CDKN2A: variants seen among roughly 807,000 people sequenced by gnomAD.
CDKN2A encodes the protein cyclin-dependent kinase inhibitor 2A.
Under a neutral mutation model 11.1 loss-of-function variants are expected in CDKN2A, and 3 were observed. The observed-to-expected ratio is 0.27, with a 90% confidence interval of 0.12 to 0.70. The LOEUF (loss-of-function observed/expected upper bound fraction) is 0.70, where lower values mean the gene tolerates loss of function less well. CDKN2A is among the 30% of genes least tolerant of loss of function. CDKN2A has a pLI of 0.77. For synonymous variants in CDKN2A, 122 were observed against 108.1 expected, an observed-to-expected ratio of 1.13 and a Z score of -0.80; for missense variants, 265 against 233.6, an observed-to-expected ratio of 1.13 and a Z score of -0.88.
chr9:21,972,045 A>G (rs1020845194), intron 1 of CDKN2A, among the ~76,000 whole-genome samples: 1 of 148,814 alleles, frequency 6.7e-6, no homozygotes, highest in African/African-American at 2.5e-5. Flanking sequence ...CCACCATTCT[A>G]CTCTTTACTG....
At chr9:21,994,705 C>T (rs1382365074) in intron 1 of CDKN2A, 18 of 246,708 alleles carry the variant, frequency 7.3e-5, no homozygotes, top group Non-Finnish European at 1.3e-4. Context: ...CCCCCACCAC[C>T]ATCTTCCCAC....
At chr9:21,986,579 C>A (rs1284936430) in intron 2 of CDKN2A, among the ~76,000 whole-genome samples, 1 of 151,890 alleles carries the variant, frequency 6.6e-6, no homozygotes, top group Non-Finnish European at 1.5e-5. Flanking sequence ...TGCAACCTAT[C>A]TGAGCCTCAG....
Position 21,974,628 on chromosome 9 carries a change from C to T in CDKN2A, c.150+50G>A, listed in dbSNP as rs2131111211. ...TTCCAATTCCCCTGCAAACTTCGTCCTCCAGAGTCGCCCGCCATCCCCTGC... is the reference window on the plus strand; with the variant it reads ...TTCCAATTCCCCTGCAAACTTCGTCTTCCAGAGTCGCCCGCCATCCCCTGC... On this transcript the variant is annotated intron_variant, in intron 1 of 2. Transcript: ENST00000304494. This position sits in a 1 kb window ranked among gnomAD's most constrained non-coding sequence, Gnocchi z 5.2. 6.2e-7 allele frequency: 1 copy of T among 1,614,224 alleles called. No homozygotes were observed. Among genetic ancestry groups the T allele is most frequent in the Non-Finnish European group, 8.5e-7 (1 of 1,180,040 alleles).
chr9:21,981,631 C>CT (rs5896958), intron 2 of CDKN2A, among the ~76,000 whole-genome samples: 106,314 of 145,904 alleles, frequency 0.73, 38,649 homozygotes, highest in East Asian at 0.97. Context: ...GAAAAAATGA[C>CT]TTTTTTTTTT....
At chr9:21,975,663 G>A (rs1820007436), upstream of CDKN2A, among the ~76,000 whole-genome samples, 1 of 152,112 alleles carries the variant, frequency 6.6e-6, no homozygotes, top group Non-Finnish European at 1.5e-5. Flanking sequence ...CTGAAAAGAT[G>A]AGGTTTATTT....
At chr9:21,982,898 T>A (rs1048166419) in intron 2 of CDKN2A, among the ~76,000 whole-genome samples, 8 of 151,826 alleles carry the variant, frequency 5.3e-5, no homozygotes, top group Non-Finnish European at 1.0e-4. Context: ...AGTGCTTAAG[T>A]AATAAGGAAA....
chr9:21,968,216 C>G lies in CDKN2A; in HGVS notation c.*13G>C, dbSNP rs374668781. 5 of 1,613,572 alleles carry G rather than the reference C, an allele frequency of 3.1e-6. No individual in the cohort carries two copies. In the African/African-American group the frequency reaches 4.0e-5, roughly 13 times the overall value. On this transcript the variant is annotated 3_prime_UTR_variant, in exon 3 of 3. Coordinates refer to ENST00000304494, the MANE Select transcript of CDKN2A (RefSeq NM_000077.5). The surrounding 1 kb of genome is among the most constrained non-coding windows in gnomAD (Gnocchi z 4.7). ...TAAGTTTCCCGAGGTTTCTCAGAGC[C>G]TCTCTGGTTCTTTCAATCGGGGATG...
Position 21,970,911 on chromosome 9 carries a change from C to T in CDKN2A, c.448G>A (p.Gly150Ser). 6.2e-7 allele frequency: 1 copy of T among 1,612,142 alleles called. No homozygotes were observed. Among genetic ancestry groups the T allele is most frequent in the South Asian group, 1.1e-5 (1 of 91,060 alleles). Residue 150 changes from glycine (G) to serine (S), a missense_variant, in exon 2 of 3, where the codon GGT (glycine) becomes AGT (serine). By Grantham distance (56) the Gly-to-Ser change is moderately conservative. Coordinates refer to ENST00000304494, the MANE Select transcript of CDKN2A (RefSeq NM_000077.5). ...SNHARIDAAEGPSDIPD is the reference protein window; with the variant it reads ...SNHARIDAAESPSDIPD ...GATCATCAGTCCTCACCTGAGGGAC[C>T]TTCCGCGGCATCTATGCGGGCATGG...
chr9:21,970,119 G>A, intron 2 of CDKN2A: 2 of 264,494 alleles, frequency 7.6e-6, no homozygotes, highest in Non-Finnish European at 1.4e-5. Flanking sequence ...GAGTAATGTT[G>A]GCAGTTTCAG....
At chr9:21,984,918 TA>T (rs1820269200) in intron 2 of CDKN2A, among the ~76,000 whole-genome samples, 1 of 152,014 alleles carries the variant, frequency 6.6e-6, no homozygotes, top group East Asian at 1.9e-4. Context: ...TCCCCTCTGA[TA>T]TTATTAAAGA....
rs1396479660 is a variant in CDKN2A, at chr9:21,974,360, T to C, written c.150+318A>G. ...CTTACATTTCTTTAAGACTCCCTTTTTATCCCAAACGTTCGTAAATTTTGT... is the reference window on the plus strand; with the variant it reads ...CTTACATTTCTTTAAGACTCCCTTTCTATCCCAAACGTTCGTAAATTTTGT... On this transcript the variant is annotated intron_variant, in intron 1 of 2. Coordinates refer to ENST00000304494, the MANE Select transcript of CDKN2A (RefSeq NM_000077.5). This position sits in a 1 kb window ranked among gnomAD's most constrained non-coding sequence, Gnocchi z 5.2. The C allele has an allele frequency of 4.7e-6, 7 of 1,502,926 alleles. No homozygotes were observed. The Admixed American group carries it at 1.3e-4, about 28-fold the overall frequency. 93.1% of individuals were successfully genotyped at this position (1,502,926 alleles called of 1,614,324 possible). A position where few individuals can be genotyped will look rare whatever the true frequency, so the allele number is the denominator to read the frequency against.
chr9:21,974,364 C>T lies in CDKN2A; in HGVS notation c.150+314G>A, dbSNP rs1249053029. 1 of 1,514,430 alleles carries T rather than the reference C, an allele frequency of 6.6e-7. No homozygotes were observed. Among genetic ancestry groups the T allele is most frequent in the East Asian group, 2.5e-5 (1 of 39,666 alleles). 93.8% of individuals were successfully genotyped at this position (1,514,430 alleles called of 1,614,324 possible). ...CATTTCTTTAAGACTCCCTTTTTAT[C>T]CCAAACGTTCGTAAATTTTGTATCT... On this transcript the variant is annotated intron_variant, in intron 1 of 2. Coordinates refer to ENST00000304494, the MANE Select transcript of CDKN2A (RefSeq NM_000077.5). This position sits in a 1 kb window ranked among gnomAD's most constrained non-coding sequence, Gnocchi z 5.2.
intron 2 of CDKN2A, among the ~76,000 whole-genome samples, chr9:21,985,666 G>A (rs1267984226): frequency 6.6e-6 from 1 of 151,804 alleles, no homozygotes; most frequent in African/African-American, 2.4e-5. Flanking sequence ...TCCTGTCTTA[G>A]AAAACAGGGG....
chr9:21,985,951 T>C (rs942804773), intron 2 of CDKN2A, among the ~76,000 whole-genome samples: 1 of 152,018 alleles, frequency 6.6e-6, no homozygotes, highest in African/African-American at 2.4e-5. Context: ...AAAAAACTAA[T>C]GTGCTTTCTT....
In CDKN2A at chr9:21,987,423, A is replaced by ACACG. The variant is rs564692298; in HGVS notation, c.-4+6458_-4+6459insCGTG. Among the ~76,000 whole-genome samples, 1,349 of 121,696 alleles carry ACACG rather than the reference A, an allele frequency of 0.011. 104 individuals are homozygous for ACACG. In the East Asian group the frequency reaches 0.27, roughly 24 times the overall value. 79.8% of individuals were successfully genotyped at this position (121,696 alleles called of 152,430 possible). ...CACACACACACACACACACACACACACACACACACAGAGAGAGAGAGAGAG... is the reference window on the plus strand; with the variant it reads ...CACACACACACACACACACACACACACACGCACACACACAGAGAGAGAGAGAGAG... On this transcript the variant is annotated intron_variant, in intron 2 of 3. Transcript: ENST00000494262.
Position 21,993,963 on chromosome 9 carries a change from A to C in CDKN2A, c.-85T>G. The C allele has an allele frequency of 5.6e-6, 4 of 717,758 alleles. No homozygotes were observed. The South Asian group carries it at 6.6e-5, about 12-fold the overall frequency. The allele number at this position is 717,758 out of a possible 1,614,324, so 44.5% of individuals were successfully genotyped here. A position where few individuals can be genotyped will look rare whatever the true frequency, so the allele number is the denominator to read the frequency against. ...GCTGTGTGAAGGGAGGTCCAGGTTC[A>C]ATGGTACTGCGAGAACCACATGTCT... On this transcript the variant is annotated 5_prime_UTR_variant, in exon 2 of 4. Transcript: ENST00000494262.
At chr9:21,975,087 C>A, upstream of CDKN2A, 10 of 1,303,206 alleles carry the variant, frequency 7.7e-6, no homozygotes, top group Non-Finnish European at 9.7e-6. Flanking sequence ...CCTGAAGTCG[C>A]CCCAGGTTGG....
intron 2 of CDKN2A, among the ~76,000 whole-genome samples, chr9:21,985,765 T>G (rs1340486369): frequency 6.6e-6 from 1 of 152,024 alleles, no homozygotes; most frequent in Non-Finnish European, 1.5e-5. Flanking sequence ...ATAGATCTTC[T>G]GTACAGATGT....
chr9:21,993,634 C>G (rs192633385), intron 2 of CDKN2A, among the ~76,000 whole-genome samples: 1 of 152,192 alleles, frequency 6.6e-6, no homozygotes, highest in Non-Finnish European at 1.5e-5. Context: ...GAAGTCGCTG[C>G]CTGCGTGCCC....
Sources: gnomAD v4.1 joint callset for allele counts (sites outside exome capture counted in the v4.1 genomes callset) on GRCh38, gnomAD v4.1.1 for gene constraint, Gnocchi (gnomAD v3.1) non-coding constraint, MANE v1.5 for transcripts, NCBI Gene and HGNC (gene_info 2026-07-23, HGNC 2026-07-21) for gene names.